The following TNNI3K variants were observed in gnomAD, a reference collection of about 807,000 sequenced individuals.
TNNI3K encodes the protein serine/threonine-protein kinase TNNI3K.
In TNNI3K, 140 loss-of-function variants were observed where a neutral mutation model predicts 114.5. The observed-to-expected ratio is 1.22, with a 90% CI of 1.07 to 1.41. The LOEUF (loss-of-function observed/expected upper bound fraction) is 1.41. Among genes scored for constraint, TNNI3K ranks in the 40% most tolerant of loss-of-function variants. The probability of loss-of-function intolerance (pLI) is 0.00; values close to 1 mark genes in which losing one functional copy is unlikely to be tolerated. For missense variants in TNNI3K, 1,125 were observed against 1,007.6 expected (o/e 1.12, Z -1.58); for synonymous variants, 347 against 347.5 (o/e 1.00, Z 0.02).
intron 5 of TNNI3K, among the ~76,000 whole-genome samples, chr1:74,306,132 A>C (rs1196915019): frequency 6.6e-6 from 1 of 152,118 alleles, no homozygotes; most frequent in African/African-American, 2.4e-5. Flanking sequence ...TTCTGAGTTA[A>C]TTCTAAGTGT....
intron 21 of TNNI3K, chr1:74,480,257 G>T (rs898518726): frequency 1.4e-6 from 1 of 717,416 alleles, no homozygotes; most frequent in African/African-American, 1.7e-5. Flanking sequence ...ATCACAGTTG[G>T]TCTCAGACAG....
intron 17 of TNNI3K, chr1:74,372,063 A>G (rs924155096): frequency 1.3e-5 from 2 of 149,874 alleles, no homozygotes; most frequent in Non-Finnish European, 3.0e-5. Context: ...ACATACTCCA[A>G]TTAGCAGTGG....
intron 17 of TNNI3K, among the ~76,000 whole-genome samples, chr1:74,428,386 G>A (rs888040726): frequency 3.3e-5 from 5 of 152,082 alleles, no homozygotes; most frequent in African/African-American, 9.7e-5. Context: ...TCAAACTAGG[G>A]TTGTTTTCTG....
chr1:74,308,191 G>T (rs759800352), intron 5 of TNNI3K, among the ~76,000 whole-genome samples: 2 of 151,936 alleles, frequency 1.3e-5, no homozygotes, highest in Non-Finnish European at 2.9e-5. Flanking sequence ...AGAATAAGCC[G>T]CCTATCAACC....
intron 16 of TNNI3K, chr1:74,369,968 G>A (rs906016333): frequency 2.6e-5 from 6 of 233,048 alleles, no homozygotes; most frequent in Non-Finnish European, 4.9e-5. Context: ...TATGCATATA[G>A]TAATTAGAAT....
intron 9 of TNNI3K, 26 bp downstream of exon 9, chr1:74,343,205 C>T: frequency 1.3e-6 from 2 of 1,587,114 alleles, no homozygotes; most frequent in South Asian, 2.3e-5. Flanking sequence ...AGTGCAATAG[C>T]CACTAAACTT....
At chr1:74,356,188 T>C (rs545924421) in intron 11 of TNNI3K, among the ~76,000 whole-genome samples, 12 of 152,320 alleles carry the variant, frequency 7.9e-5, no homozygotes, top group African/African-American at 2.9e-4. Context: ...TCATTCACAT[T>C]GTTGCAGGCA....
chr1:74,300,223 A>G (rs1026489591), intron 5 of TNNI3K, among the ~76,000 whole-genome samples: 4 of 152,312 alleles, frequency 2.6e-5, no homozygotes, highest in African/African-American at 9.6e-5. Context: ...TTGGCCAGAG[A>G]TGCATTAGAT....
At chr1:74,331,026 C>T (rs1407180974) in intron 5 of TNNI3K, among the ~76,000 whole-genome samples, 2 of 151,860 alleles carry the variant, frequency 1.3e-5, no homozygotes, top group African/African-American at 4.8e-5. Flanking sequence ...AGGCAGATGG[C>T]AATGAAGGGA....
At chr1:74,267,261 A>G (rs1370086117) in intron 4 of TNNI3K, among the ~76,000 whole-genome samples, 1 of 152,006 alleles carries the variant, frequency 6.6e-6, no homozygotes, top group Non-Finnish European at 1.5e-5. Context: ...AATTTTTTCC[A>G]GGAGGTGTGT....
At chr1:74,465,827 A>C (rs1667653302) in intron 21 of TNNI3K, among the ~76,000 whole-genome samples, 1 of 152,110 alleles carries the variant, frequency 6.6e-6, no homozygotes, top group Non-Finnish European at 1.5e-5. Context: ...ACCAATCAGC[A>C]CCCTGTCAAA....
chr1:74,395,043 C>CA (rs755880566), intron 17 of TNNI3K, among the ~76,000 whole-genome samples: 13,376 of 126,090 alleles, frequency 0.11, 884 homozygotes, highest in African/African-American at 0.22. Context: ...GACTCCATCT[C>CA]AAAAAAAAAA....
In TNNI3K at chr1:74,340,606, C is replaced by T. The variant is rs543006801; in HGVS notation, c.683-2236C>T. On this transcript the variant is annotated intron_variant, in intron 7 of 24. Coordinates refer to ENST00000326637, the MANE Select transcript of TNNI3K (RefSeq NM_015978.3). ...TGTGGATAATTCACCAAGTAAATAA[C>T]CTAATTTGAAGTTTACTAATTCAAT... Among the ~76,000 whole-genome samples, 17 of 152,214 alleles carry T rather than the reference C, an allele frequency of 1.1e-4. No homozygotes were observed. In the South Asian group the frequency reaches 3.5e-3, roughly 32 times the overall value.
At chr1:74,438,557 G>C (rs1366246396) in intron 19 of TNNI3K, among the ~76,000 whole-genome samples, 1 of 151,984 alleles carries the variant, frequency 6.6e-6, no homozygotes, top group East Asian at 1.9e-4. Flanking sequence ...TTGTCCTTGA[G>C]GAATCTGAGG....
chr1:74,413,939 T>TCATG (rs1553143334), intron 17 of TNNI3K, among the ~76,000 whole-genome samples: 2 of 152,182 alleles, frequency 1.3e-5, no homozygotes. Context: ...AAGATACATA[T>TCATG]CATGCATTGG....
At chr1:74,457,664 T>A (rs994430119) in intron 20 of TNNI3K, among the ~76,000 whole-genome samples, 1 of 152,198 alleles carries the variant, frequency 6.6e-6, no homozygotes, top group East Asian at 1.9e-4. Context: ...TAACAAAATA[T>A]TGTAGCGTAT....
chr1:74,276,227 A>G (rs1656674439), intron 5 of TNNI3K, among the ~76,000 whole-genome samples: 1 of 152,138 alleles, frequency 6.6e-6, no homozygotes, highest in South Asian at 2.1e-4. Context: ...CATTTAATGG[A>G]CACATTTGGG....
At chr1:74,391,225 T>C (rs1162198076) in intron 17 of TNNI3K, among the ~76,000 whole-genome samples, 1 of 152,176 alleles carries the variant, frequency 6.6e-6, no homozygotes, top group Non-Finnish European at 1.5e-5. Context: ...CCTGCCTTTA[T>C]GGAGGTTATA....
intron 4 of TNNI3K, among the ~76,000 whole-genome samples, chr1:74,271,048 T>C (rs1001982519): frequency 4.0e-5 from 6 of 149,492 alleles, no homozygotes; most frequent in African/African-American, 1.5e-4. Context: ...TTAAGAAAGA[T>C]ATTATGAATT....
Sources: allele counts gnomAD v4.1 joint callset (sites outside exome capture counted in the v4.1 genomes callset), GRCh38; gene constraint gnomAD v4.1.1; transcripts MANE v1.5; gene names NCBI Gene and HGNC (gene_info 2026-07-23, HGNC 2026-07-21).